The following NCK1 variants were observed in gnomAD, a reference collection of about 807,000 sequenced individuals.
The protein encoded by NCK1 is NCK adaptor protein 1, also known as SH2/SH3 adapter protein NCK1.
A neutral mutation model predicts 36.6 loss-of-function variants in NCK1; 19 were observed. The ratio of observed to expected loss-of-function variants is 0.52; its 90% CI spans 0.36 to 0.76. The LOEUF is 0.76. Ranked by LOEUF, NCK1 falls within the 30% of genes least tolerant of loss-of-function variation. NCK1 has a pLI of 0.00. For missense variants in NCK1, 358 were observed against 445.6 expected (o/e 0.80, Z 1.77); for synonymous variants, 165 against 156.0 (o/e 1.06, Z -0.43).
chr3:136,926,455 T>G (rs1940241348), intron 1 of NCK1, among the ~76,000 whole-genome samples: 1 of 151,920 alleles, frequency 6.6e-6, no homozygotes, highest in East Asian at 1.9e-4. Context: ...TTTTGTATTT[T>G]TAGTAGAGAC....
At chr3:136,922,358 G>C (rs189909278) in intron 1 of NCK1, among the ~76,000 whole-genome samples, 23 of 152,312 alleles carry the variant, frequency 1.5e-4, no homozygotes, top group Admixed American at 1.3e-3. Flanking sequence ...AAGGGACAGA[G>C]AAAGGATTTA....
intron 1 of NCK1, among the ~76,000 whole-genome samples, chr3:136,885,750 C>T (rs1022197432): frequency 6.6e-6 from 1 of 152,110 alleles, no homozygotes; most frequent in Non-Finnish European, 1.5e-5. Flanking sequence ...GTAAATATTT[C>T]TGAAGTGAAA....
intron 1 of NCK1, among the ~76,000 whole-genome samples, chr3:136,890,180 C>T (rs1257574725): frequency 6.6e-6 from 1 of 152,218 alleles, no homozygotes. Context: ...AAATCGAGCG[C>T]AGCGCTGGTG....
At chr3:136,946,859 ATAC>A (rs1391869851) in intron 3 of NCK1, 3 of 152,444 alleles carry the variant, frequency 2.0e-5, no homozygotes, top group Non-Finnish European at 2.9e-5. Context: ...TTATATTGCA[ATAC>A]TAGTAAACAA....
In NCK1 at chr3:136,866,287, A is replaced by G. The variant is rs56752324; in HGVS notation, c.-19+3934A>G. Among the ~76,000 whole-genome samples, 692 of 150,966 alleles carry G rather than the reference A, an allele frequency of 4.6e-3. 8 individuals carry two copies. The highest frequency in any genetic ancestry group is 0.016 in the African/African-American group (677 of 41,090). On this transcript the variant is annotated intron_variant, in intron 1 of 3. Transcript: ENST00000481752. ...ACTCTTTGTATTTTTGTACCTTCGT[A>G]TCATTCCTTTTTCTTTCTTTCTTTC...
chr3:136,923,559 C>CAAATAAATAAATAAATAAATAAATAAAT (rs71134421), intron 1 of NCK1, among the ~76,000 whole-genome samples: 3 of 145,680 alleles, frequency 2.1e-5, no homozygotes, highest in African/African-American at 7.7e-5. Context: ...GACTCCGTCT[C>CAAATAAATAAATAAATAAATAAATAAAT]AAATAAATAA....
intron 2 of NCK1, among the ~76,000 whole-genome samples, chr3:136,934,737 A>G (rs1051940099): frequency 7.2e-5 from 11 of 152,174 alleles, no homozygotes; most frequent in African/African-American, 2.7e-4. Flanking sequence ...AAATAACTTG[A>G]CCAAGATCAC....
At chr3:136,866,970 G>A (rs1938432275) in intron 1 of NCK1, among the ~76,000 whole-genome samples, 1 of 151,892 alleles carries the variant, frequency 6.6e-6, no homozygotes, top group South Asian at 2.1e-4. Flanking sequence ...AGCAAATGAA[G>A]TAAAATTTGT....
chr3:136,901,235 T>A (rs1374004392), intron 1 of NCK1, among the ~76,000 whole-genome samples: 1 of 152,010 alleles, frequency 6.6e-6, no homozygotes, highest in Non-Finnish European at 1.5e-5. Flanking sequence ...CATCCTTGCC[T>A]CTCTGGGATA....
chr3:136,934,742 G>A (rs552699318), intron 2 of NCK1, among the ~76,000 whole-genome samples: 2 of 152,234 alleles, frequency 1.3e-5, no homozygotes, highest in East Asian at 3.9e-4. Flanking sequence ...ACTTGACCAA[G>A]ATCACACAAC....
chr3:136,879,146 A>G (rs1938860373), intron 1 of NCK1, among the ~76,000 whole-genome samples: 1 of 150,962 alleles, frequency 6.6e-6, no homozygotes, highest in Non-Finnish European at 1.5e-5. Flanking sequence ...AAAAAGGCTC[A>G]GTAGAACAGT....
intron 1 of NCK1, among the ~76,000 whole-genome samples, chr3:136,906,827 C>T (rs1473448171): frequency 6.6e-6 from 1 of 151,982 alleles, no homozygotes; most frequent in Middle Eastern, 3.2e-3. Context: ...AATCTCAGAC[C>T]CTGGGAGGAG....
intron 2 of NCK1, among the ~76,000 whole-genome samples, chr3:136,941,064 C>CT (rs1052808069): frequency 6.7e-6 from 1 of 148,556 alleles, no homozygotes; most frequent in East Asian, 2.0e-4. Context: ...TTTTCATTTA[C>CT]TTTTTTTTCT....
At chr3:136,903,261 A>G (rs1460469454) in intron 1 of NCK1, among the ~76,000 whole-genome samples, 2 of 152,176 alleles carry the variant, frequency 1.3e-5, no homozygotes, top group African/African-American at 2.4e-5. Flanking sequence ...TGATACAAGT[A>G]TAGCTACTTC....
intron 1 of NCK1, among the ~76,000 whole-genome samples, chr3:136,865,453 T>C (rs942732836): frequency 1.3e-5 from 2 of 152,194 alleles, no homozygotes; most frequent in African/African-American, 2.4e-5. Context: ...CTTTGTCTTA[T>C]TTTACTTTTT....
intron 1 of NCK1, among the ~76,000 whole-genome samples, chr3:136,880,683 C>T (rs1408667696): frequency 6.6e-6 from 1 of 152,126 alleles, no homozygotes; most frequent in Non-Finnish European, 1.5e-5. Flanking sequence ...TGCTAGAGTG[C>T]AGCCTCAATC....
chr3:136,944,112 C>T (rs10935211), intron 2 of NCK1, among the ~76,000 whole-genome samples: 29,715 of 43,414 alleles, frequency 0.68, 8,370 homozygotes, highest in African/African-American at 0.82. Context: ...GAAAAACAAC[C>T]TTTTTTTTTT....
chr3:136,865,304 C>G (rs929886361), intron 1 of NCK1, among the ~76,000 whole-genome samples: 1 of 152,004 alleles, frequency 6.6e-6, no homozygotes, highest in African/African-American at 2.4e-5. Flanking sequence ...AGGCTGGTCT[C>G]GAACTCCTGA....
At chr3:136,890,139 C>A (rs1340025959) in intron 1 of NCK1, among the ~76,000 whole-genome samples, 1 of 152,184 alleles carries the variant, frequency 6.6e-6, no homozygotes, top group African/African-American at 2.4e-5. Context: ...CCGAGCCCTG[C>A]CCCACGGGGA....
Sources: allele counts gnomAD v4.1 joint callset (sites outside exome capture counted in the v4.1 genomes callset), GRCh38; gene constraint gnomAD v4.1.1; transcripts MANE v1.5; gene names NCBI Gene and HGNC (gene_info 2026-07-23, HGNC 2026-07-21).